Variants in MAGT1 observed in about 807,000 individuals in gnomAD.
The protein encoded by MAGT1 is dolichyl-diphosphooligosaccharide--protein glycosyltransferase subunit MAGT1.
MAGT1 carries 4 observed loss-of-function variants against 28.4 expected under a neutral mutation model. The observed-to-expected ratio is 0.14, with a 90% CI of 0.07 to 0.32. The LOEUF (loss-of-function observed/expected upper bound fraction) is 0.32, where lower values mean the gene tolerates loss of function less well. Among genes scored for constraint, MAGT1 ranks in the 10% least tolerant of loss-of-function variants. The pLI is 1.00. For synonymous variants in MAGT1, 89 were observed against 89.7 expected (o/e 0.99, Z 0.04); for missense variants, 193 against 264.5 (o/e 0.73, Z 1.88).
At position 77,856,715 on chromosome X, in the gene MAGT1, C is replaced by T. The variant is rs782692058; in HGVS notation, c.672+18G>A. 8.3e-7 allele frequency: 1 copy of T among 1,200,718 alleles called. No individual in the cohort carries two copies. Among genetic ancestry groups the T allele is most frequent in the South Asian group, 1.8e-5 (1 of 56,072 alleles). ...GAATTTTATTCAAATAATTTTTTGT[C>T]TTCTGAAATTCACTCACCAAAGCTG... On this transcript the variant is annotated intron_variant, in intron 5 of 9. Coordinates refer to ENST00000618282, the MANE Select transcript of MAGT1 (RefSeq NM_001367916.1).
chrX:77,845,006 C>T (rs1375667506), intron 7 of MAGT1, among the ~76,000 whole-genome samples: 1 of 110,542 alleles, frequency 9.0e-6, no homozygotes, highest in Non-Finnish European at 1.9e-5. Flanking sequence ...CCTTGTTAAC[C>T]TTCTGTCTCG....
intron 1 of MAGT1, among the ~76,000 whole-genome samples, chrX:77,890,729 T>C (rs2077079928): frequency 8.9e-6 from 1 of 112,061 alleles, no homozygotes; most frequent in Admixed American, 9.5e-5. Context: ...ATATGCCAGG[T>C]ACTGCATTAG....
chrX:77,889,666 C>T (rs2077076958), intron 1 of MAGT1, among the ~76,000 whole-genome samples: 2 of 110,471 alleles, frequency 1.8e-5, no homozygotes, highest in South Asian at 3.8e-4. Context: ...CCACTGTGCC[C>T]GGCCTTAGGT....
chrX:77,849,882 A>G (rs1385726407), intron 7 of MAGT1, among the ~76,000 whole-genome samples: 2 of 106,729 alleles, frequency 1.9e-5, no homozygotes, highest in African/African-American at 6.8e-5. Flanking sequence ...CTCAAAAACA[A>G]AAAACAAAAA....
chrX:77,848,078 C>T (rs1603360752), intron 7 of MAGT1, among the ~76,000 whole-genome samples: 1 of 112,272 alleles, frequency 8.9e-6, no homozygotes, highest in Non-Finnish European at 1.9e-5. Context: ...CTCTTCTTAG[C>T]TGTCAAGAGC....
At position 77,826,893 on chromosome X, in the gene MAGT1, A is replaced by T. The variant is rs963075557; in HGVS notation, c.*2327T>A. 7.2e-5 allele frequency: 8 copies of T among 111,822 alleles called. No homozygotes were observed. Among genetic ancestry groups the T allele is most frequent in the African/African-American group, 2.6e-4 (8 of 30,811 alleles). The allele number at this position is 111,822 out of a possible 1,213,427, so 9.2% of individuals were successfully genotyped here. A position where few individuals can be genotyped will look rare whatever the true frequency, so the allele number is the denominator to read the frequency against. ...GTAATTAACAAAAACTGGCTGCTCC[A>T]TTAAAAAGTAAAAGGTCAACCATAT... On this transcript the variant is annotated 3_prime_UTR_variant, in exon 10 of 10. Transcript: ENST00000618282.
At chrX:77,892,647 A>G (rs1202063154) in intron 1 of MAGT1, among the ~76,000 whole-genome samples, 1 of 109,873 alleles carries the variant, frequency 9.1e-6, no homozygotes, top group Non-Finnish European at 1.9e-5. Flanking sequence ...AAATATAAAA[A>G]TTAACTAGGC....
intron 1 of MAGT1, among the ~76,000 whole-genome samples, chrX:77,888,355 T>C (rs1053793888): frequency 2.1e-4 from 23 of 111,382 alleles, no homozygotes; most frequent in African/African-American, 7.2e-4. Flanking sequence ...CAAAGTAAAG[T>C]AAGTTTAAAG....
At chrX:77,880,957 C>CAAAAA (rs11285161) in intron 1 of MAGT1, among the ~76,000 whole-genome samples, 1 of 35,448 alleles carries the variant, frequency 2.8e-5, no homozygotes, top group Non-Finnish European at 4.8e-5. Flanking sequence ...GAATCTGTCT[C>CAAAAA]AAAAAAAAAA....
chrX:77,845,819 T>C (rs1253428671), intron 7 of MAGT1, among the ~76,000 whole-genome samples: 1 of 112,176 alleles, frequency 8.9e-6, no homozygotes, highest in African/African-American at 3.2e-5. Flanking sequence ...GTTAGTCTGA[T>C]GGGCTTCCCT....
chrX:77,894,127 A>C (rs1557219700), intron 1 of MAGT1, among the ~76,000 whole-genome samples: 1 of 111,845 alleles, frequency 8.9e-6, no homozygotes, highest in African/African-American at 3.2e-5. Flanking sequence ...CTAAGACATA[A>C]AATTATGCAT....
chrX:77,893,852 A>G (rs2077091072), intron 1 of MAGT1, among the ~76,000 whole-genome samples: 1 of 110,388 alleles, frequency 9.1e-6, no homozygotes, highest in Non-Finnish European at 1.9e-5. Flanking sequence ...GCAGTGAGCC[A>G]TGATCCCACC....
intron 8 of MAGT1, among the ~76,000 whole-genome samples, chrX:77,834,157 C>T (rs939197032): frequency 1.4e-4 from 14 of 100,305 alleles, no homozygotes; most frequent in Non-Finnish European, 2.8e-4. Context: ...AAATCTAAGA[C>T]TGTACACCAT....
At chrX:77,835,702 C>A (rs935483216) in intron 8 of MAGT1, among the ~76,000 whole-genome samples, 3 of 111,607 alleles carry the variant, frequency 2.7e-5, no homozygotes, top group African/African-American at 9.8e-5. Flanking sequence ...TGTCCATCAA[C>A]AGATGAATGG....
intron 9 of MAGT1, among the ~76,000 whole-genome samples, chrX:77,830,440 A>T (rs782392241): frequency 1.8e-5 from 2 of 110,276 alleles, no homozygotes; most frequent in African/African-American, 6.6e-5. Flanking sequence ...ACATGGTGAA[A>T]CCCCGTTTCT....
intron 1 of MAGT1, among the ~76,000 whole-genome samples, chrX:77,880,446 T>G (rs2149027175): frequency 9.1e-6 from 1 of 109,595 alleles, no homozygotes; most frequent in Admixed American, 9.8e-5. Flanking sequence ...GGAGAATTGC[T>G]TGAACCCGGG....
intron 1 of MAGT1, among the ~76,000 whole-genome samples, chrX:77,892,543 T>A (rs970165690): frequency 1.3e-4 from 15 of 111,371 alleles, no homozygotes; most frequent in African/African-American, 4.9e-4. Context: ...ATGCCTGTAA[T>A]CCCAGCACTT....
intron 1 of MAGT1, 130 bp downstream of exon 1, chrX:77,895,179 C>G (rs1045840615): frequency 1.6e-5 from 11 of 697,692 alleles, no homozygotes; most frequent in Non-Finnish European, 2.4e-5. Flanking sequence ...TCCACAACTC[C>G]GAAAACCGCG....
At chrX:77,890,856 G>A (rs1202493203) in intron 1 of MAGT1, among the ~76,000 whole-genome samples, 1 of 111,293 alleles carries the variant, frequency 9.0e-6, no homozygotes, top group Non-Finnish European at 1.9e-5. Flanking sequence ...ATCATTGGGG[G>A]TGGATTAAAG....
Sources: gnomAD v4.1 joint callset for allele counts (sites outside exome capture counted in the v4.1 genomes callset) on GRCh38, gnomAD v4.1.1 for gene constraint, MANE v1.5 for transcripts, NCBI Gene and HGNC (gene_info 2026-07-23, HGNC 2026-07-21) for gene names.